The following SP3 variants were observed in gnomAD, a reference collection of about 807,000 sequenced individuals.
The protein encoded by SP3 is Sp3 transcription factor.
Under a neutral mutation model 70.3 loss-of-function variants are expected in SP3, and 10 were observed. The ratio of observed to expected loss-of-function variants is 0.14; its 90% confidence interval spans 0.09 to 0.24. The LOEUF (loss-of-function observed/expected upper bound fraction) is 0.24, where lower values mean the gene tolerates loss of function less well. Ranked by LOEUF, SP3 falls within the 10% of genes least tolerant of loss-of-function variation. SP3 has a pLI of 1.00. For missense variants in SP3, 825 were observed against 914.6 expected (o/e 0.90, Z 1.26); for synonymous variants, 402 against 333.5 (o/e 1.21, Z -2.24).
intron 4 of SP3, among the ~76,000 whole-genome samples, chr2:173,935,859 G>A (rs997455321): frequency 4.2e-5 from 6 of 141,670 alleles, no homozygotes; most frequent in African/African-American, 9.5e-5. Flanking sequence ...TTAAAACAAC[G>A]GATTCATCTC....
intron 6 of SP3, among the ~76,000 whole-genome samples, chr2:173,911,767 C>T (rs1441828429): frequency 6.7e-6 from 1 of 149,804 alleles, no homozygotes; most frequent in East Asian, 2.0e-4. Context: ...ATCTCTGTTT[C>T]TGAGCCTTTT....
chr2:173,946,845 C>T (rs1041959309), intron 4 of SP3, among the ~76,000 whole-genome samples: 1 of 151,604 alleles, frequency 6.6e-6, no homozygotes, highest in African/African-American at 2.4e-5. Flanking sequence ...ACTTAGCCTC[C>T]CCAGTAGCTG....
rs1689201290 is a variant in SP3, at chr2:173,902,127, A to G, written c.*7814T>C. Among the ~76,000 whole-genome samples the G allele has an allele frequency of 6.6e-6, 1 of 152,186 alleles. No homozygotes were observed. Among genetic ancestry groups the G allele is most frequent in the Non-Finnish European group, 1.5e-5 (1 of 68,026 alleles). On this transcript the variant is annotated 3_prime_UTR_variant, in exon 7 of 7. Transcript: ENST00000310015. ...GGTGGAACCAGTGAGAAAAACATGC[A>G]TTGTTTCTGCTACAGTTAACAAATA... is the stretch of plus-strand genomic sequence containing the variant.
intron 4 of SP3, among the ~76,000 whole-genome samples, chr2:173,919,487 T>TA (rs1195185553): frequency 6.6e-6 from 1 of 152,204 alleles, no homozygotes; most frequent in Non-Finnish European, 1.5e-5. Flanking sequence ...CACTTTTTTT[T>TA]ACTGTGCTGT....
At chr2:173,954,800 A>T in intron 4 of SP3, 73 bp downstream of exon 4, 1 of 1,403,826 alleles carries the variant, frequency 7.1e-7, no homozygotes, top group Non-Finnish European at 9.8e-7. Flanking sequence ...GCTGATAAAT[A>T]CCTAAAGCAA....
intron 4 of SP3, among the ~76,000 whole-genome samples, chr2:173,929,592 G>A (rs1214093117): frequency 6.6e-6 from 1 of 152,212 alleles, no homozygotes; most frequent in Non-Finnish European, 1.5e-5. Context: ...TCATAAGCCA[G>A]GCTGAACAGA....
At position 173,965,223 on chromosome 2, in the gene SP3, A is replaced by C. The variant is rs1407886734; in HGVS notation, c.-52T>G. ...GCTCCCCGCCGCCTTACACATGGTGAGGAGCGAAGGCGGCGGCGGCGGGAG... is the reference window on the plus strand; with the variant it reads ...GCTCCCCGCCGCCTTACACATGGTGCGGAGCGAAGGCGGCGGCGGCGGGAG... On this transcript the variant is annotated 5_prime_UTR_variant, in exon 1 of 7. Coordinates refer to ENST00000310015, the MANE Select transcript of SP3 (RefSeq NM_003111.5). 3 of 1,536,440 alleles carry C rather than the reference A, an allele frequency of 2.0e-6. No individual in the cohort carries two copies. The highest frequency in any genetic ancestry group is 2.6e-6 in the Non-Finnish European group (3 of 1,139,126).
chr2:173,950,592 T>G (rs1690682484), intron 4 of SP3, among the ~76,000 whole-genome samples: 1 of 151,770 alleles, frequency 6.6e-6, no homozygotes, highest in Non-Finnish European at 1.5e-5. Flanking sequence ...GGCCAGGAGT[T>G]TGAGATCACA....
chr2:173,960,242 AG>A (rs1691023926), intron 3 of SP3, among the ~76,000 whole-genome samples: 1 of 152,252 alleles, frequency 6.6e-6, no homozygotes, highest in African/African-American at 2.4e-5. Flanking sequence ...AGGCACTCTA[AG>A]TCTCTCTACA....
At chr2:173,959,499 G>A (rs1357915522) in intron 3 of SP3, among the ~76,000 whole-genome samples, 2 of 152,156 alleles carry the variant, frequency 1.3e-5, no homozygotes, top group South Asian at 4.1e-4. Context: ...GCTGAGGCGG[G>A]CAGATCACTT....
chr2:173,929,562 A>T (rs55664124), intron 4 of SP3, among the ~76,000 whole-genome samples: 11,976 of 152,310 alleles, frequency 0.079, 590 homozygotes, highest in African/African-American at 0.13. Flanking sequence ...AGAAGACAAC[A>T]GTCAGTAGTT....
At chr2:173,917,155 T>G (rs1416332227) in intron 5 of SP3, among the ~76,000 whole-genome samples, 1 of 152,156 alleles carries the variant, frequency 6.6e-6, no homozygotes, top group Non-Finnish European at 1.5e-5. Context: ...TAAAACATTT[T>G]CATTTTAAAA....
chr2:173,960,302 T>C (rs1253031106), intron 3 of SP3, among the ~76,000 whole-genome samples: 2 of 152,224 alleles, frequency 1.3e-5, no homozygotes, highest in African/African-American at 2.4e-5. Flanking sequence ...ACACCACCTA[T>C]TGCATAGCAT....
At chr2:173,919,035 T>C (rs1387306965) in intron 4 of SP3, among the ~76,000 whole-genome samples, 3 of 152,222 alleles carry the variant, frequency 2.0e-5, no homozygotes, top group African/African-American at 7.2e-5. Context: ...TCCCTTTAGA[T>C]AATAAATGCT....
chr2:173,940,838 TAAGG>T (rs2105482179), intron 4 of SP3, among the ~76,000 whole-genome samples: 1 of 152,256 alleles, frequency 6.6e-6, no homozygotes, highest in South Asian at 2.1e-4. Flanking sequence ...CAAAAGGAAA[TAAGG>T]AATAATCTGA....
chr2:173,953,708 C>CA (rs1276680835), intron 4 of SP3, among the ~76,000 whole-genome samples: 2 of 151,374 alleles, frequency 1.3e-5, no homozygotes. Context: ...GCAGAGGTTG[C>CA]AGTGAACCAA....
At chr2:173,964,042 T>C in intron 2 of SP3, 159 bp from the exon 3 acceptor site, 1 of 382,916 alleles carries the variant, frequency 2.6e-6, no homozygotes, top group Non-Finnish European at 4.6e-6. Flanking sequence ...CTCCTCCTGG[T>C]CCCGCCGCCA....
intron 4 of SP3, among the ~76,000 whole-genome samples, chr2:173,926,890 G>A (rs1202514814): frequency 6.6e-6 from 1 of 152,162 alleles, no homozygotes; most frequent in Non-Finnish European, 1.5e-5. Context: ...CCACTGCTAT[G>A]AAGAGATACC....
rs3045251 is a variant in SP3 at position 173,939,764 on chromosome 2, C to CAAAAAAAAAAAAAAAAAAA, written c.1639+15108_1639+15109insTTTTTTTTTTTTTTTTTTT. 3.3e-3 allele frequency among the ~76,000 whole-genome samples: 233 copies of CAAAAAAAAAAAAAAAAAAA among 70,144 alleles called. 6 individuals carry two copies. The highest frequency in any genetic ancestry group is 6.4e-3 in the African/African-American group (93 of 14,534). The allele number at this position is 70,144 out of a possible 152,430, so 46.0% of individuals were successfully genotyped here. On this transcript the variant is annotated intron_variant, in intron 4 of 6. Coordinates refer to ENST00000310015, the MANE Select transcript of SP3 (RefSeq NM_003111.5). ...TGAGCAACAGAGCAAGACTCCAACT[C>CAAAAAAAAAAAAAAAAAAA]AAAAAAAAAAAAAAAAAAGTTACAC...
Sources: allele counts gnomAD v4.1 joint callset (sites outside exome capture counted in the v4.1 genomes callset), GRCh38; gene constraint gnomAD v4.1.1; transcripts MANE v1.5; gene names NCBI Gene and HGNC (gene_info 2026-07-23, HGNC 2026-07-21).